The following EFHB variants were observed in gnomAD, a reference collection of about 807,000 sequenced individuals.
EFHB encodes EF-hand domain family member B, also known as EF-hand domain-containing family member B.
A neutral mutation model predicts 87.2 loss-of-function variants in EFHB; 91 were observed. The ratio of observed to expected loss-of-function variants is 1.04; its 90% confidence interval spans 0.88 to 1.24. The LOEUF (loss-of-function observed/expected upper bound fraction) is 1.24, where lower values mean the gene tolerates loss of function less well. Among genes scored for constraint, EFHB ranks in the 50% most tolerant of loss-of-function variants. The probability of loss-of-function intolerance (pLI) is 0.00; values close to 1 mark genes in which losing one functional copy is unlikely to be tolerated. For synonymous variants in EFHB, 325 were observed against 333.6 expected (o/e 0.97, Z 0.28); for missense variants, 1,084 against 998.8 (o/e 1.09, Z -1.15).
In EFHB at chr3:19,922,543, G is replaced by A. The variant is rs147934832; in HGVS notation, c.790-1976C>T. On this transcript the variant is annotated intron_variant, in intron 1 of 12. Coordinates refer to ENST00000295824, the MANE Select transcript of EFHB (RefSeq NM_144715.4). ...TAAGTAAAAGTATACTTTCTGTAAT[G>A]CATTTCCTCTAGCTTCCTCTCCCAC... Among the ~76,000 whole-genome samples, 3 of 152,296 alleles carry A rather than the reference G, an allele frequency of 2.0e-5. No individual in the cohort carries two copies. In the East Asian group the frequency reaches 5.8e-4, roughly 29 times the overall value.
chr3:19,883,593 A>C (rs971906849), intron 11 of EFHB, among the ~76,000 whole-genome samples: 48 of 152,202 alleles, frequency 3.2e-4, no homozygotes, highest in African/African-American at 1.1e-3. Flanking sequence ...TAGATGGTGA[A>C]GTCCTAACCT....
intron 1 of EFHB, among the ~76,000 whole-genome samples, chr3:19,927,938 G>GTA (rs1211815719): frequency 6.7e-6 from 1 of 148,468 alleles, no homozygotes; most frequent in Non-Finnish European, 1.5e-5. Flanking sequence ...AAATACTATA[G>GTA]TATATATATA....
upstream of EFHB, among the ~76,000 whole-genome samples, chr3:19,938,210 T>C (rs1460429509): frequency 2.6e-5 from 4 of 152,242 alleles, no homozygotes; most frequent in African/African-American, 9.6e-5. Context: ...GGAAAGGACA[T>C]GTGGCAACTT....
Position 19,879,747 on chromosome 3 carries a change from C to T in EFHB, c.2386G>A (p.Val796Ile), listed in dbSNP as rs765233319. 19 of 1,610,130 alleles carry T rather than the reference C, an allele frequency of 1.2e-5. No individual in the cohort carries two copies. The Admixed American group carries it at 3.1e-4, about 26-fold the overall frequency. ...VKLSDEEFEN[V>I]WNLASKKHHR... is the part of the protein sequence containing the mutation. Reference sequence around the variant, plus strand: ...TGCTTTTTTGATGCAAGATTCCATACATTTTCAAATTCTTCATCAGACAGT... The same window carrying T: ...TGCTTTTTTGATGCAAGATTCCATATATTTTCAAATTCTTCATCAGACAGT... The change falls in exon 13 of 13, where the codon GTA becomes ATA. Residue 796 changes from valine to isoleucine, a missense_variant. Physicochemically the swap from Val to Ile is conservative, Grantham distance 29 (BLOSUM62 3). Coordinates refer to ENST00000295824, the MANE Select transcript of EFHB (RefSeq NM_144715.4).
intron 9 of EFHB, among the ~76,000 whole-genome samples, chr3:19,889,916 G>A (rs1443055002): frequency 2.0e-5 from 3 of 152,188 alleles, no homozygotes; most frequent in African/African-American, 7.2e-5. Context: ...GAATCCAGGA[G>A]GCCGAGGTTG....
At position 19,933,791 on chromosome 3, in the gene EFHB, T is replaced by C; in HGVS notation, c.228A>G (p.Arg76=). Residue 76 remains arginine (R), a synonymous_variant, in exon 1 of 13, where the codon AGA becomes AGG. Coordinates refer to ENST00000295824, the MANE Select transcript of EFHB (RefSeq NM_144715.4). ...LSKGLEMGLE[R]QNISRTVMQR... is the part of the protein sequence containing the mutation. ...GCATGACAGTCCTAGAAATATTCTG[T>C]CTTTCTAATCCCATTTCAAGCCCCT... is the stretch of plus-strand genomic sequence containing the variant. 6.2e-7 allele frequency: 1 copy of C among 1,613,978 alleles called. No homozygotes were observed. The highest frequency in any genetic ancestry group is 1.7e-5 in the Admixed American group (1 of 60,018).
chr3:19,900,651 G>A (rs1276976882), intron 6 of EFHB, among the ~76,000 whole-genome samples: 1 of 152,126 alleles, frequency 6.6e-6, no homozygotes, highest in African/African-American at 2.4e-5. Context: ...AAAAGAGCCT[G>A]GGCACGGTGG....
Position 19,933,547 on chromosome 3 carries a change from C to G in EFHB, c.472G>C (p.Val158Leu). Reference protein sequence around the residue: ...ASGPEGVEELVGKPAFVMEPR... With the variant: ...ASGPEGVEELLGKPAFVMEPR... ...TCCATAACGAAAGCAGGCTTTCCCA[C>G]TAATTCCTCTACCCCTTCAGGGCCA... Residue 158 changes from valine to leucine, a missense_variant, in exon 1 of 13, where the codon GTG becomes CTG. Val to Leu is a conservative substitution (Grantham distance 32). Coordinates refer to ENST00000295824, the MANE Select transcript of EFHB (RefSeq NM_144715.4). 1 of 1,614,012 alleles carries G rather than the reference C, an allele frequency of 6.2e-7. No individual in the cohort carries two copies. The highest frequency in any genetic ancestry group is 1.1e-5 in the South Asian group (1 of 91,080).
intron 5 of EFHB, among the ~76,000 whole-genome samples, chr3:19,907,190 C>T (rs985629941): frequency 1.1e-4 from 16 of 151,986 alleles, no homozygotes; most frequent in African/African-American, 3.9e-4. Flanking sequence ...ATAAATGAGA[C>T]TACATCAAAT....
upstream of EFHB, chr3:19,934,305 C>G (rs1201631558): frequency 6.2e-6 from 8 of 1,294,278 alleles, no homozygotes; most frequent in Non-Finnish European, 7.9e-6. Flanking sequence ...ATTCTTCTCT[C>G]TCTCTCTCTC....
intron 9 of EFHB, among the ~76,000 whole-genome samples, chr3:19,890,961 C>A (rs1694285962): frequency 6.6e-6 from 1 of 152,158 alleles, no homozygotes; most frequent in Non-Finnish European, 1.5e-5. Context: ...AAGGAGCAAA[C>A]AAGCCTCATA....
chr3:19,902,015 A>C (rs1694688572), intron 6 of EFHB, among the ~76,000 whole-genome samples: 1 of 152,002 alleles, frequency 6.6e-6, no homozygotes, highest in Non-Finnish European at 1.5e-5. Flanking sequence ...AAGAAAAAGA[A>C]CTGTCAGGCA....
chr3:19,936,990 G>A (rs1360837011), upstream of EFHB, among the ~76,000 whole-genome samples: 1 of 151,668 alleles, frequency 6.6e-6, no homozygotes, highest in African/African-American at 2.4e-5. Context: ...CCAACATGAC[G>A]AAACCCCATC....
At chr3:19,892,295 G>A (rs1559448811) in intron 9 of EFHB, among the ~76,000 whole-genome samples, 1 of 152,142 alleles carries the variant, frequency 6.6e-6, no homozygotes, top group East Asian at 1.9e-4. Context: ...ATTGTGCATT[G>A]GAATGGCCTT....
chr3:19,917,850 G>A (rs571328043), intron 4 of EFHB, among the ~76,000 whole-genome samples: 7 of 152,188 alleles, frequency 4.6e-5, no homozygotes, highest in Non-Finnish European at 1.0e-4. Flanking sequence ...CATGAACTCT[G>A]TTGCATAAAG....
chr3:19,936,336 T>TTA, upstream of EFHB: 2 of 358,682 alleles, frequency 5.6e-6, no homozygotes, highest in Non-Finnish European at 4.8e-6. Flanking sequence ...GGCGACAGAC[T>TTA]GAAAAAAAAA....
chr3:19,945,307 C>T (rs936123689), intron 1 of EFHB, among the ~76,000 whole-genome samples: 1 of 152,198 alleles, frequency 6.6e-6, no homozygotes. Context: ...GAACTTTAGA[C>T]TGTCAAGTAA....
At position 19,915,549 on chromosome 3, in the gene EFHB, C is replaced by A. The variant is rs530000921; in HGVS notation, c.1178-136G>T. 8.5e-6 allele frequency: 5 copies of A among 590,726 alleles called. No individual in the cohort carries two copies. In the Admixed American group the frequency reaches 1.3e-4, roughly 16 times the overall value. 36.6% of individuals were successfully genotyped at this position (590,726 alleles called of 1,614,324 possible). On this transcript the variant is annotated intron_variant, in intron 4 of 12. Coordinates refer to ENST00000295824, the MANE Select transcript of EFHB (RefSeq NM_144715.4). ...ATAGACATCCCGAGAGATCACAAAG[C>A]CAACATAAATGATTTATCAAGAAAG...
chr3:19,945,945 T>C (rs1047021214), intron 1 of EFHB: 1 of 152,198 alleles, frequency 6.6e-6, no homozygotes, highest in Non-Finnish European at 1.5e-5. Context: ...GTAGCCTTTA[T>C]TCTGAAGGAA....
Sources: allele counts gnomAD v4.1 joint callset (sites outside exome capture counted in the v4.1 genomes callset), GRCh38; gene constraint gnomAD v4.1.1; transcripts MANE v1.5; gene names NCBI Gene and HGNC (gene_info 2026-07-23, HGNC 2026-07-21).